The following SLC44A3 variants were observed in gnomAD, a reference collection of about 807,000 sequenced individuals.
SLC44A3 encodes the protein choline transporter-like protein 3.
In SLC44A3, 74 loss-of-function variants were observed where a neutral mutation model predicts 75.4. That is an observed-to-expected ratio of 0.98 (90% CI 0.81 to 1.19). SLC44A3 has a LOEUF of 1.19. Among genes scored for constraint, SLC44A3 ranks in the 50% most tolerant of loss-of-function variants. The pLI, the probability that SLC44A3 is intolerant of heterozygous loss-of-function variation, is 0.00. For synonymous variants in SLC44A3, 310 were observed against 296.9 expected (o/e 1.04, Z -0.45); for missense variants, 700 against 778.6 (o/e 0.90, Z 1.20).
At chr1:94,885,913 A>C (rs1275202365) in intron 12 of SLC44A3, among the ~76,000 whole-genome samples, 1 of 152,254 alleles carries the variant, frequency 6.6e-6, no homozygotes, top group Non-Finnish European at 1.5e-5. Context: ...AAAAGGCCAC[A>C]GATGGAAATT....
Position 94,824,475 on chromosome 1 carries a change from T to C in SLC44A3, c.136-18T>C. 1.3e-6 allele frequency: 2 copies of C among 1,582,010 alleles called. No individual in the cohort carries two copies. Among genetic ancestry groups the C allele is most frequent in the Non-Finnish European group, 8.6e-7 (1 of 1,167,730 alleles). ...TCAGCCCTTTGGCCAGGCTCTCATA[T>C]GCCCCCGTTTTTGCCAGGTGTTTAT... is the stretch of plus-strand genomic sequence containing the variant. On this transcript the variant is annotated intron_variant, in intron 2 of 14. Transcript: ENST00000271227.
chr1:94,894,940 T>C lies in SLC44A3; in HGVS notation c.*18T>C, dbSNP rs756401759. 2 of 1,578,472 alleles carry C rather than the reference T, an allele frequency of 1.3e-6. No homozygotes were observed. The highest frequency in any genetic ancestry group is 3.4e-5 in the Admixed American group (2 of 58,372). On this transcript the variant is annotated 3_prime_UTR_variant, in exon 15 of 15. Coordinates refer to ENST00000271227, the MANE Select transcript of SLC44A3 (RefSeq NM_001114106.3). The stretch of plus-strand genomic sequence containing the variant: ...TGAGATAGATACCCATTTAGGTATC[T>C]GTACCTGGAAAACATTTCCTTCTAA...
intron 9 of SLC44A3, among the ~76,000 whole-genome samples, chr1:94,846,654 T>C (rs1209250901): frequency 6.6e-6 from 1 of 152,270 alleles, no homozygotes; most frequent in East Asian, 1.9e-4. Context: ...TGAGTGGCAC[T>C]GTCCAGATCT....
At chr1:94,876,307 T>C (rs1668278161) in intron 12 of SLC44A3, among the ~76,000 whole-genome samples, 1 of 152,214 alleles carries the variant, frequency 6.6e-6, no homozygotes, top group Non-Finnish European at 1.5e-5. Context: ...AACCATTAAA[T>C]AGCTCCTACA....
At chr1:94,827,732 CT>C in intron 4 of SLC44A3, 89 bp downstream of exon 4, 2 of 1,480,982 alleles carry the variant, frequency 1.4e-6, no homozygotes, top group Non-Finnish European at 9.1e-7. Flanking sequence ...ACTCTGCTTT[CT>C]CTGGAAAGCT....
intron 5 of SLC44A3, among the ~76,000 whole-genome samples, chr1:94,833,056 T>C (rs770870855): frequency 1.3e-5 from 2 of 152,086 alleles, no homozygotes; most frequent in African/African-American, 4.8e-5. Flanking sequence ...CCCTGCACGC[T>C]TGGCCCAGGA....
At chr1:94,890,281 T>C (rs1319194052) in intron 12 of SLC44A3, among the ~76,000 whole-genome samples, 1 of 152,180 alleles carries the variant, frequency 6.6e-6, no homozygotes, top group East Asian at 1.9e-4. Context: ...TCTAAATACT[T>C]TTTTTCCAGG....
chr1:94,875,982 G>A (rs1015973769), intron 12 of SLC44A3, among the ~76,000 whole-genome samples: 1 of 152,202 alleles, frequency 6.6e-6, no homozygotes, highest in Admixed American at 6.5e-5. Flanking sequence ...AAGGAAGCAG[G>A]TGACATGTGA....
chr1:94,885,301 C>T (rs1669456140), intron 12 of SLC44A3, among the ~76,000 whole-genome samples: 2 of 145,748 alleles, frequency 1.4e-5, no homozygotes, highest in South Asian at 4.5e-4. Flanking sequence ...GTGGTGAAAA[C>T]AGATGAGATC....
intron 12 of SLC44A3, among the ~76,000 whole-genome samples, chr1:94,886,703 G>T (rs1259448921): frequency 1.3e-5 from 2 of 152,094 alleles, no homozygotes; most frequent in African/African-American, 4.8e-5. Flanking sequence ...CAGCCACACA[G>T]GGCGTCCTCA....
At chr1:94,844,959 G>T (rs1318809024) in intron 8 of SLC44A3, among the ~76,000 whole-genome samples, 1 of 152,108 alleles carries the variant, frequency 6.6e-6, no homozygotes, top group Admixed American at 6.6e-5. Flanking sequence ...GATGTGGAGG[G>T]GAGGATATAA....
At chr1:94,863,746 A>G (rs1370291325) in intron 10 of SLC44A3, among the ~76,000 whole-genome samples, 1 of 152,022 alleles carries the variant, frequency 6.6e-6, no homozygotes, top group Non-Finnish European at 1.5e-5. Context: ...TATTACTTTC[A>G]TGTTCTCTTT....
At chr1:94,838,888 A>G (rs1450464352) in intron 6 of SLC44A3, 2 of 152,232 alleles carry the variant, frequency 1.3e-5, no homozygotes, top group African/African-American at 2.4e-5. Context: ...TAGATTCATA[A>G]TGGTATTAAC....
At chr1:94,857,536 T>A (rs1666036202) in intron 10 of SLC44A3, 36 bp downstream of exon 10, 1 of 1,584,040 alleles carries the variant, frequency 6.3e-7, no homozygotes, top group African/African-American at 1.4e-5. Flanking sequence ...GGTTTGTCTA[T>A]GTGGTTTATC....
intron 12 of SLC44A3, among the ~76,000 whole-genome samples, chr1:94,885,270 TG>T (rs1382783372): frequency 2.2e-5 from 3 of 139,320 alleles, no homozygotes; most frequent in African/African-American, 8.0e-5. Context: ...ATACCACCCA[TG>T]GTGATTATTT....
At chr1:94,846,784 C>T (rs1276799769) in intron 9 of SLC44A3, among the ~76,000 whole-genome samples, 1 of 152,252 alleles carries the variant, frequency 6.6e-6, no homozygotes, top group Non-Finnish European at 1.5e-5. Flanking sequence ...CAGCTGATGT[C>T]AAATCAGCAA....
rs142658362 is a variant in SLC44A3, at chr1:94,864,817, T to C, written c.1313T>C (p.Val438Ala). 20 of 1,614,008 alleles carry C rather than the reference T, an allele frequency of 1.2e-5. No homozygotes were observed. The African/African-American group carries it at 2.3e-4, about 18-fold the overall frequency. ...CTCTTCTTCTACCATCAAGGAACCG[T>C]TGTGAAAGGGTCATTTTTAATCTCT... ...SILFFYHQGT[V>A]VKGSFLISVV... The change falls in exon 11 of 15, where the codon GTT (valine) becomes GCT (alanine). Residue 438 changes from valine (V) to alanine (A), a missense_variant. By Grantham distance (64) the Val-to-Ala change is moderately conservative. Coordinates refer to ENST00000271227, the MANE Select transcript of SLC44A3 (RefSeq NM_001114106.3).
chr1:94,873,918 C>T (rs1367843403), intron 12 of SLC44A3, among the ~76,000 whole-genome samples: 1 of 152,214 alleles, frequency 6.6e-6, no homozygotes, highest in East Asian at 1.9e-4. Flanking sequence ...TAGGTAGTCT[C>T]ATCACGTAGC....
chr1:94,890,614 CACA>C (rs1307963630), intron 12 of SLC44A3, among the ~76,000 whole-genome samples: 3 of 152,228 alleles, frequency 2.0e-5, no homozygotes, highest in Non-Finnish European at 4.4e-5. Flanking sequence ...GTTCAGCTCT[CACA>C]AACCATTAGA....
Sources: allele counts gnomAD v4.1 joint callset (sites outside exome capture counted in the v4.1 genomes callset), GRCh38; gene constraint gnomAD v4.1.1; transcripts MANE v1.5; gene names NCBI Gene and HGNC (gene_info 2026-07-23, HGNC 2026-07-21).